The following ABLIM1 variants were observed in gnomAD, a reference collection of about 807,000 sequenced individuals.
ABLIM1 encodes actin binding LIM protein 1.
A neutral mutation model predicts 107.0 loss-of-function variants in ABLIM1; 40 were observed. The observed-to-expected ratio is 0.37, with a 90% CI of 0.29 to 0.49. The LOEUF (loss-of-function observed/expected upper bound fraction) is 0.49. Among genes scored for constraint, ABLIM1 ranks in the 20% least tolerant of loss-of-function variants. ABLIM1 has a pLI of 0.97. For missense variants in ABLIM1, 857 were observed against 1,008.5 expected (o/e 0.85, Z 2.04); for synonymous variants, 357 against 357.3 (o/e 1.00, Z 0.01).
intron 4 of ABLIM1, among the ~76,000 whole-genome samples, chr10:114,560,161 T>A (rs1195510928): frequency 6.6e-6 from 1 of 152,130 alleles, no homozygotes. Context: ...CCCAAAAGGA[T>A]TAAAAACAAG....
chr10:114,701,925 A>G (rs217191), intron 1 of ABLIM1, among the ~76,000 whole-genome samples: 35,601 of 152,138 alleles, frequency 0.23, 6,369 homozygotes, highest in African/African-American at 0.5. Context: ...ATAAGAGAGG[A>G]TGTAGAAATT....
chr10:114,779,515 G>T, the ABLIM1 span: 1 of 152,074 alleles, frequency 6.6e-6, no homozygotes, highest in African/African-American at 2.4e-5. Flanking sequence ...TATTTGATGG[G>T]TATCTTTCAA....
chr10:114,785,558 G>A, the ABLIM1 span, among the ~76,000 whole-genome samples: 1 of 152,080 alleles, frequency 6.6e-6, no homozygotes, highest in African/African-American at 2.4e-5. Context: ...GGGCATGGGT[G>A]TAGATGAAAT....
intron 10 of ABLIM1, among the ~76,000 whole-genome samples, chr10:114,470,810 C>G (rs1195328120): frequency 6.6e-6 from 1 of 152,070 alleles, no homozygotes; most frequent in Non-Finnish European, 1.5e-5. Flanking sequence ...ATAATTTCCC[C>G]AAAGTTATGT....
chr10:114,641,885 T>C (rs1244980860), intron 1 of ABLIM1, among the ~76,000 whole-genome samples: 1 of 151,898 alleles, frequency 6.6e-6, no homozygotes, highest in Non-Finnish European at 1.5e-5. Context: ...TAAGTTGTTT[T>C]GTTTTGTTTT....
At chr10:114,450,655 TGGTCTTG>T (rs2061731448) in intron 14 of ABLIM1, among the ~76,000 whole-genome samples, 2 of 151,942 alleles carry the variant, frequency 1.3e-5, no homozygotes, top group Non-Finnish European at 2.9e-5. Flanking sequence ...TTGGTTGGGC[TGGTCTTG>T]AACTCCTGAC....
the ABLIM1 span, among the ~76,000 whole-genome samples, chr10:114,774,596 G>A: frequency 6.6e-6 from 1 of 152,176 alleles, no homozygotes; most frequent in Admixed American, 6.5e-5. Context: ...TTTGAAAGCT[G>A]CCCATTGGTA....
intron 1 of ABLIM1, among the ~76,000 whole-genome samples, chr10:114,716,842 T>TA (rs34567416): frequency 0.012 from 1,663 of 134,538 alleles, 14 homozygotes; most frequent in East Asian, 0.028. Flanking sequence ...CTGGAACTGT[T>TA]AAAAAAAAAA....
chr10:114,490,372 G>A (rs1182806815), intron 7 of ABLIM1, among the ~76,000 whole-genome samples: 1 of 152,156 alleles, frequency 6.6e-6, no homozygotes, highest in Non-Finnish European at 1.5e-5. Context: ...TTTAAGGGGA[G>A]AGTAGCCAGG....
chr10:114,448,975 A>C (rs1182184160), intron 14 of ABLIM1, among the ~76,000 whole-genome samples: 1 of 152,222 alleles, frequency 6.6e-6, no homozygotes, highest in Admixed American at 6.5e-5. Flanking sequence ...GAGAAATGGA[A>C]ATTGGAAAAT....
At chr10:114,514,152 A>C (rs1055946317) in intron 6 of ABLIM1, among the ~76,000 whole-genome samples, 2 of 152,170 alleles carry the variant, frequency 1.3e-5, no homozygotes, top group Non-Finnish European at 2.9e-5. Flanking sequence ...GGCCGGGTGC[A>C]GTGGCTCACG....
At chr10:114,534,261 C>T (rs2065754853) in intron 6 of ABLIM1, among the ~76,000 whole-genome samples, 1 of 152,104 alleles carries the variant, frequency 6.6e-6, no homozygotes, top group African/African-American at 2.4e-5. Context: ...ATGCAGGAGT[C>T]CTTCTGATGC....
chr10:114,568,223 A>G (rs1316313383), intron 4 of ABLIM1, among the ~76,000 whole-genome samples: 1 of 146,158 alleles, frequency 6.8e-6, no homozygotes, highest in African/African-American at 2.6e-5. Flanking sequence ...AAAAAAGGCT[A>G]CTTTCTACTT....
intron 1 of ABLIM1, among the ~76,000 whole-genome samples, chr10:114,721,374 C>A (rs142633689): frequency 2.6e-3 from 395 of 152,258 alleles, no homozygotes; most frequent in African/African-American, 9.0e-3. Flanking sequence ...GCATGTATGT[C>A]TAAGGAGGTG....
Position 114,697,468 on chromosome 10 carries a change from G to A in ABLIM1, c.-213+70593C>T, listed in dbSNP as rs375541699. On this transcript the variant is annotated intron_variant, in intron 1 of 15. Coordinates refer to the ABLIM1 transcript ENST00000651092. ...GGGCTGGGGACCAGAGCCAGCCTCC[G>A]GGCCAGCCCACTCAGCCCGGGGCAG... Among the ~76,000 whole-genome samples, 545 of 152,338 alleles carry A rather than the reference G, an allele frequency of 3.6e-3. 3 individuals carry two copies. The highest frequency in any genetic ancestry group is 0.012 in the African/African-American group (503 of 41,584).
intron 1 of ABLIM1, among the ~76,000 whole-genome samples, chr10:114,625,262 T>G (rs183143791): frequency 1.6e-4 from 25 of 152,052 alleles, no homozygotes; most frequent in African/African-American, 5.8e-4. Flanking sequence ...ATCGCACACA[T>G]GAGGAATTAT....
intron 1 of ABLIM1, among the ~76,000 whole-genome samples, chr10:114,724,537 G>A (rs890779394): frequency 2.0e-5 from 3 of 152,000 alleles, no homozygotes; most frequent in Non-Finnish European, 4.4e-5. Context: ...ACCCTGTCTT[G>A]CCCAACCTGC....
intron 7 of ABLIM1, 67 bp from the exon 8 acceptor site, chr10:114,488,083 A>G: frequency 6.6e-7 from 1 of 1,517,980 alleles, no homozygotes. Context: ...CTGAGACAGC[A>G]CTTCTGAGAA....
chr10:114,468,535 A>G (rs943128538), intron 10 of ABLIM1, among the ~76,000 whole-genome samples: 15 of 151,962 alleles, frequency 9.9e-5, no homozygotes, highest in African/African-American at 2.7e-4. Context: ...TAGCCTCCCA[A>G]AGTTTTGGGA....
Sources: allele counts gnomAD v4.1 joint callset (sites outside exome capture counted in the v4.1 genomes callset), GRCh38; gene constraint gnomAD v4.1.1; transcripts MANE v1.5; gene names NCBI Gene and HGNC (gene_info 2026-07-23, HGNC 2026-07-21).